Variants in FBXO16 observed in about 807,000 individuals in gnomAD.
The protein encoded by FBXO16 is F-box only protein 16.
FBXO16 carries 31 observed loss-of-function variants against 41.0 expected under a neutral mutation model. That is an observed-to-expected ratio of 0.76 (90% CI 0.57 to 1.02). The LOEUF is 1.02. FBXO16 is among the 50% of genes least tolerant of loss of function. The pLI is 0.00. For missense variants in FBXO16, 361 were observed against 346.2 expected, an observed-to-expected ratio of 1.04 and a Z score of -0.34; for synonymous variants, 133 against 117.8, an observed-to-expected ratio of 1.13 and a Z score of -0.84.
At chr8:28,445,091 C>T (rs1396760855) in intron 7 of FBXO16, among the ~76,000 whole-genome samples, 1 of 151,988 alleles carries the variant, frequency 6.6e-6, no homozygotes, top group Admixed American at 6.6e-5. Context: ...AATATCGCAG[C>T]ATACTTTTTG....
At chr8:28,435,581 C>T (rs943970571) in intron 7 of FBXO16, among the ~76,000 whole-genome samples, 6 of 152,082 alleles carry the variant, frequency 3.9e-5, no homozygotes, top group African/African-American at 1.2e-4. Context: ...TCTCTCCCCA[C>T]GTGGCTGGGT....
intron 7 of FBXO16, among the ~76,000 whole-genome samples, chr8:28,437,224 C>G (rs1401297573): frequency 2.0e-5 from 3 of 152,124 alleles, no homozygotes; most frequent in African/African-American, 7.2e-5. Flanking sequence ...AACAAATAGC[C>G]ATTTGGCATT....
At chr8:28,451,140 A>G (rs954082680) in intron 6 of FBXO16, among the ~76,000 whole-genome samples, 38 of 152,040 alleles carry the variant, frequency 2.5e-4, no homozygotes, top group African/African-American at 7.7e-4. Flanking sequence ...ATTTTAATAA[A>G]CAACAAAGGA....
intron 7 of FBXO16, among the ~76,000 whole-genome samples, chr8:28,434,888 G>C (rs1405629074): frequency 6.6e-6 from 1 of 152,272 alleles, no homozygotes; most frequent in East Asian, 1.9e-4. Flanking sequence ...AAGGGAACGT[G>C]GTGGCTCCCA....
rs558501335 is a variant in FBXO16 at position 28,443,989 on chromosome 8, G to A, written c.843+3182C>T. 6.6e-5 allele frequency among the ~76,000 whole-genome samples: 10 copies of A among 152,212 alleles called. No individual in the cohort carries two copies. The South Asian group carries it at 2.1e-3, about 32-fold the overall frequency. Reference sequence around the variant, plus strand: ...AAAATCGGCAACCAGCAGCCCTCGGGGCTGCTCTGTCTATGGAGTAGCCAT... The same window carrying A: ...AAAATCGGCAACCAGCAGCCCTCGGAGCTGCTCTGTCTATGGAGTAGCCAT... On this transcript the variant is annotated intron_variant, in intron 7 of 8. Coordinates refer to ENST00000380254, the MANE Select transcript of FBXO16 (RefSeq NM_172366.4).
At chr8:28,480,654 T>A (rs372505981) in intron 2 of FBXO16, among the ~76,000 whole-genome samples, 1 of 151,954 alleles carries the variant, frequency 6.6e-6, no homozygotes, top group African/African-American at 2.4e-5. Flanking sequence ...CAGGGGTGCA[T>A]CACCATGCCC....
chr8:28,469,316 A>G (rs1048936567), intron 3 of FBXO16, among the ~76,000 whole-genome samples: 17 of 119,186 alleles, frequency 1.4e-4, no homozygotes, highest in Admixed American at 4.6e-4. Flanking sequence ...CCTGCCTCAG[A>G]AAAAAAAAAA....
At chr8:28,456,466 G>C (rs1803040435) in intron 5 of FBXO16, among the ~76,000 whole-genome samples, 1 of 152,180 alleles carries the variant, frequency 6.6e-6, no homozygotes, top group Non-Finnish European at 1.5e-5. Flanking sequence ...CCCCATGTCA[G>C]AACTGTCTGA....
At chr8:28,454,456 C>T (rs962579363) in intron 5 of FBXO16, among the ~76,000 whole-genome samples, 7 of 151,180 alleles carry the variant, frequency 4.6e-5, no homozygotes, top group Non-Finnish European at 7.4e-5. Flanking sequence ...TGGCCGGGCG[C>T]GGTGGCTGAA....
Position 28,449,295 on chromosome 8 carries a change from C to G in FBXO16, c.741-2022G>C, listed in dbSNP as rs559319127. 1.1e-4 allele frequency among the ~76,000 whole-genome samples: 16 copies of G among 147,450 alleles called. No homozygotes were observed. The South Asian group carries it at 3.2e-3, about 30-fold the overall frequency. ...GAAAATGCTGAAGTGACATGTAGAT[C>G]GAATGCAATATGTAGACTTCTTTTT... On this transcript the variant is annotated intron_variant, in intron 6 of 8. Coordinates refer to ENST00000380254, the MANE Select transcript of FBXO16 (RefSeq NM_172366.4).
intron 4 of FBXO16, among the ~76,000 whole-genome samples, chr8:28,459,625 ATAATAATAAT>A (rs1803092387): frequency 1.1e-5 from 1 of 94,130 alleles, no homozygotes; most frequent in African/African-American, 4.7e-5. Flanking sequence ...TGTCTCAAAA[ATAATAATAAT>A]AATAATAATA....
intron 7 of FBXO16, among the ~76,000 whole-genome samples, chr8:28,440,961 G>A (rs1296780069): frequency 2.0e-5 from 3 of 152,178 alleles, no homozygotes; most frequent in Non-Finnish European, 4.4e-5. Flanking sequence ...CAATTCCAGG[G>A]CCTCGGAAGT....
At position 28,458,189 on chromosome 8, in the gene FBXO16, C is replaced by T. The variant is rs1469154652; in HGVS notation, c.343-1259G>A. ...GTAATGGCCCTTGCTATCCATACAC[C>T]TATTTTTCTATTACTCTCTGCCTCC... On this transcript the variant is annotated intron_variant, in intron 4 of 8. Transcript: ENST00000380254. Among the ~76,000 whole-genome samples the T allele has an allele frequency of 2.0e-5, 3 of 152,214 alleles. No individual in the cohort carries two copies. In the East Asian group the frequency reaches 5.8e-4, roughly 29 times the overall value.
intron 6 of FBXO16, among the ~76,000 whole-genome samples, chr8:28,450,139 A>G (rs772311487): frequency 7.9e-5 from 12 of 152,174 alleles, no homozygotes; most frequent in Non-Finnish European, 1.2e-4. Context: ...AATAGAATAG[A>G]ATAAGGAGCC....
chr8:28,485,636 T>C (rs1803590106), intron 1 of FBXO16, among the ~76,000 whole-genome samples: 1 of 152,204 alleles, frequency 6.6e-6, no homozygotes, highest in East Asian at 1.9e-4. Context: ...CTTCCTTCAG[T>C]TGCCTGTTGC....
intron 4 of FBXO16, among the ~76,000 whole-genome samples, chr8:28,459,620 C>CAAAAAAAAA (rs1203607328): frequency 1.0e-5 from 1 of 95,316 alleles, no homozygotes; most frequent in African/African-American, 4.2e-5. Context: ...GACCCTGTCT[C>CAAAAAAAAA]AAAAATAATA....
chr8:28,483,276 G>T, intron 2 of FBXO16, 72 bp downstream of exon 2: 2 of 1,315,638 alleles, frequency 1.5e-6, no homozygotes, highest in Non-Finnish European at 2.1e-6. Flanking sequence ...TCATATTTTG[G>T]TAAGTAAAAT....
rs374775114 is a variant in FBXO16 at position 28,429,430 on chromosome 8, A to G, written c.844-27T>C. ...TGGCCGCGAGCAGGAAAGGGAAGAG[A>G]ATGGAGAGAGGAAAAGAAAGAAATA... On this transcript the variant is annotated intron_variant, in intron 7 of 8. Coordinates refer to ENST00000380254, the MANE Select transcript of FBXO16 (RefSeq NM_172366.4). 1.9e-6 allele frequency: 3 copies of G among 1,613,428 alleles called. No individual in the cohort carries two copies. In the African/African-American group the frequency reaches 4.0e-5, roughly 22 times the overall value.
chr8:28,464,124 C>A (rs1176975847), intron 3 of FBXO16, among the ~76,000 whole-genome samples: 1 of 152,148 alleles, frequency 6.6e-6, no homozygotes, highest in African/African-American at 2.4e-5. Flanking sequence ...TTATAAAAGA[C>A]AATTTTAAGA....
Sources: allele counts gnomAD v4.1 joint callset (sites outside exome capture counted in the v4.1 genomes callset), GRCh38; gene constraint gnomAD v4.1.1; transcripts MANE v1.5; gene names NCBI Gene and HGNC (gene_info 2026-07-23, HGNC 2026-07-21).